The following SPG11 variants were observed in gnomAD, a reference collection of about 807,000 sequenced individuals.
The protein encoded by SPG11 is spatacsin.
Under a neutral mutation model 274.0 loss-of-function variants are expected in SPG11, and 222 were observed. That is an observed-to-expected ratio of 0.81 (90% CI 0.73 to 0.91). The LOEUF is 0.91. SPG11 is among the 40% of genes least tolerant of loss of function. The pLI, the probability that SPG11 is intolerant of heterozygous loss-of-function variation, is 0.00. For synonymous variants in SPG11, 1,144 were observed against 1,039.7 expected (o/e 1.10, Z -1.93); for missense variants, 3,114 against 2,872.7 (o/e 1.08, Z -1.92).
At chr15:44,622,474 T>C (rs1308465878) in intron 12 of SPG11, 127 bp from the exon 13 acceptor site, 5 of 835,704 alleles carry the variant, frequency 6.0e-6, no homozygotes, top group Admixed American at 2.8e-5. Flanking sequence ...CATGAGATAA[T>C]ATGCCATTCA....
chr15:44,566,795 G>A (rs2082318256), intron 36 of SPG11, among the ~76,000 whole-genome samples: 1 of 152,070 alleles, frequency 6.6e-6, no homozygotes. Flanking sequence ...CGCCTCCCGG[G>A]TTCAAGTGAT....
At position 44,615,417 on chromosome 15, in the gene SPG11, T is replaced by A; in HGVS notation, c.2984A>T (p.Tyr995Phe). 6.2e-7 allele frequency: 1 copy of A among 1,614,100 alleles called. No homozygotes were observed. The highest frequency in any genetic ancestry group is 8.5e-7 in the Non-Finnish European group (1 of 1,179,994). ...GWDFHSQFIL[Y>F]CLEHSLQHLL... is the part of the protein sequence containing the mutation. ...ATGCTGCAGACTGTGCTCCAAACAA[T>A]AGAGAATGAATTGAGAATGGAAATC... The change falls in exon 16 of 40, where the codon TAT becomes TTT. Residue 995 changes from tyrosine (Y) to phenylalanine (F), a missense_variant. Coordinates refer to ENST00000261866, the MANE Select transcript of SPG11 (RefSeq NM_025137.4).
Position 44,584,515 on chromosome 15 carries a change from G to C in SPG11, c.5165C>G (p.Ser1722Ter). The change falls in exon 30 of 40, where the codon TCA becomes TGA. Residue 1722 changes from serine (S) to a stop codon, truncating the protein, a stop_gained. Transcript: ENST00000261866. LOFTEE classifies it high-confidence loss of function. ...GAAGTCAATTCTTGCTTGTTTTAGT[G>C]ACCACTGTTCAATGTGTTTTAGGGT... is the stretch of plus-strand genomic sequence containing the variant. Reference protein sequence around the residue: ...MQTLKHIEQWSLKQARIDFWK... With the variant: ...MQTLKHIEQW 1 of 1,613,200 alleles carries C rather than the reference G, an allele frequency of 6.2e-7. No individual in the cohort carries two copies. The highest frequency in any genetic ancestry group is 1.1e-5 in the South Asian group (1 of 91,050).
chr15:44,571,042 C>G (rs78635585), intron 33 of SPG11, among the ~76,000 whole-genome samples: 2,984 of 152,234 alleles, frequency 0.02, 109 homozygotes, highest in African/African-American at 0.068. Context: ...GTCTCAGGGC[C>G]TAATCAAGTG....
chr15:44,580,281 A>G (rs2082633244), intron 30 of SPG11, among the ~76,000 whole-genome samples: 1 of 152,224 alleles, frequency 6.6e-6, no homozygotes, highest in African/African-American at 2.4e-5. Flanking sequence ...CATGTAGTAT[A>G]GGTGTGTAGA....
chr15:44,624,912 C>G (rs569575581), intron 11 of SPG11, among the ~76,000 whole-genome samples: 14 of 151,952 alleles, frequency 9.2e-5, no homozygotes, highest in Non-Finnish European at 1.8e-4. Context: ...AGGCAGGTGG[C>G]TCACCTGAGG....
chr15:44,598,251 T>G lies in SPG11; in HGVS notation c.4001+14A>C. ...AGCTTGTTAGAAAAGAGGCTGAGAC[T>G]GCAACTCACAAACCTCTTTATTTCC... On this transcript the variant is annotated intron_variant, in intron 23 of 39. Coordinates refer to ENST00000261866, the MANE Select transcript of SPG11 (RefSeq NM_025137.4). 1 of 1,588,430 alleles carries G rather than the reference T, an allele frequency of 6.3e-7. No homozygotes were observed. The highest frequency in any genetic ancestry group is 8.6e-7 in the Non-Finnish European group (1 of 1,156,662).
intron 10 of SPG11, among the ~76,000 whole-genome samples, 192 bp downstream of exon 10, chr15:44,628,477 G>C (rs1363646236): frequency 6.6e-6 from 1 of 152,158 alleles, no homozygotes; most frequent in Non-Finnish European, 1.5e-5. Context: ...CCCTTATAGC[G>C]AATTAAATAA....
At chr15:44,652,005 C>A in intron 5 of SPG11, 66 bp from the exon 6 acceptor site, 1 of 1,570,910 alleles carries the variant, frequency 6.4e-7, no homozygotes, top group Non-Finnish European at 8.7e-7. Context: ...AAACACTAAA[C>A]CAGGGCAAAG....
intron 7 of SPG11, among the ~76,000 whole-genome samples, chr15:44,646,320 G>T (rs970958653): frequency 1.3e-5 from 2 of 152,182 alleles, no homozygotes; most frequent in African/African-American, 4.8e-5. Flanking sequence ...GAGAAGGGAG[G>T]TTTAATTGAC....
In SPG11 at chr15:44,597,005, C is replaced by G. The variant is rs2083061382; in HGVS notation, c.4002-62G>C. 5.2e-6 allele frequency: 8 copies of G among 1,527,364 alleles called. No individual in the cohort carries two copies. In the East Asian group the frequency reaches 1.6e-4, roughly 31 times the overall value. 94.6% of individuals were successfully genotyped at this position (1,527,364 alleles called of 1,614,324 possible). ...AAACAAAAAACTCATTAAAATATAG[C>G]TTTAGCTTGAACTGGAAAATGAGTA... On this transcript the variant is annotated intron_variant, in intron 23 of 39. Transcript: ENST00000261866.
intron 29 of SPG11, among the ~76,000 whole-genome samples, chr15:44,585,327 C>T (rs1326640677): frequency 1.7e-4 from 26 of 151,614 alleles, no homozygotes; most frequent in Admixed American, 1.4e-3. Flanking sequence ...TGGTGGCTCA[C>T]GCCTGTAATC....
At chr15:44,608,653 C>T in intron 18 of SPG11, 48 bp from the exon 19 acceptor site, 1 of 1,584,236 alleles carries the variant, frequency 6.3e-7, no homozygotes, top group Non-Finnish European at 8.6e-7. Flanking sequence ...TTTTTCTCTT[C>T]TCAAAGTTTC....
chr15:44,595,423 T>G lies in SPG11; in HGVS notation c.4471A>C (p.Ile1491Leu). ...GCAACATTGTCCTCCACAGAAGTGA[T>G]GATCCAAACACAGAGACAAGAAATG... ...SAISCLCVWI[I>L]TSVEDNVATE... The change falls in exon 26 of 40, where the codon ATC becomes CTC. Residue 1491 changes from isoleucine (I) to leucine (L), a missense_variant. Coordinates refer to ENST00000261866, the MANE Select transcript of SPG11 (RefSeq NM_025137.4). 6.2e-7 allele frequency: 1 copy of G among 1,614,192 alleles called. No individual in the cohort carries two copies. The highest frequency in any genetic ancestry group is 8.5e-7 in the Non-Finnish European group (1 of 1,180,032).
chr15:44,566,462 G>C (rs1026062346), intron 36 of SPG11, among the ~76,000 whole-genome samples, 157 bp from the exon 37 acceptor site: 2 of 152,176 alleles, frequency 1.3e-5, no homozygotes, highest in African/African-American at 4.8e-5. Context: ...GGCCAGAAAT[G>C]CATACGCTTA....
intron 30 of SPG11, 123 bp downstream of exon 30, chr15:44,583,691 T>C (rs2082699072): frequency 9.5e-6 from 12 of 1,265,918 alleles, no homozygotes; most frequent in Admixed American, 3.6e-5. Context: ...ACAGATTACC[T>C]GGAAAAAAGT....
chr15:44,583,346 T>C lies in SPG11; in HGVS notation c.5866+468A>G, dbSNP rs566283014. ...ACAAAAATTAGCCAGTAATCCCAGC[T>C]ACTTGGGAAGCTAAGGCAGGAGAAT... On this transcript the variant is annotated intron_variant, in intron 30 of 39. Transcript: ENST00000261866. 4.4e-3 allele frequency among the ~76,000 whole-genome samples: 667 copies of C among 152,172 alleles called. 4 individuals are homozygous for C. Among genetic ancestry groups the C allele is most frequent in the African/African-American group, 0.015 (634 of 41,512 alleles).
At position 44,643,471 on chromosome 15, in the gene SPG11, G is replaced by C. The variant is rs139848513; in HGVS notation, c.1602+5395C>G. On this transcript the variant is annotated intron_variant, in intron 7 of 39. Coordinates refer to ENST00000261866, the MANE Select transcript of SPG11 (RefSeq NM_025137.4). ...AACAAATGGTGCAAGGACAACTGAAGATCCACAAAGAATGCAAAAGAATGA... is the reference window on the plus strand; with the variant it reads ...AACAAATGGTGCAAGGACAACTGAACATCCACAAAGAATGCAAAAGAATGA... 4.4e-4 allele frequency among the ~76,000 whole-genome samples: 67 copies of C among 152,216 alleles called. No individual in the cohort carries two copies. In the East Asian group the frequency reaches 0.013, roughly 29 times the overall value.
At chr15:44,571,546 G>A (rs532330422) in intron 33 of SPG11, among the ~76,000 whole-genome samples, 1 of 141,060 alleles carries the variant, frequency 7.1e-6, no homozygotes, top group East Asian at 2.1e-4. Context: ...TGCCCAGGCT[G>A]GAGTGCAGCG....
Sources: allele counts gnomAD v4.1 joint callset (sites outside exome capture counted in the v4.1 genomes callset), GRCh38; gene constraint gnomAD v4.1.1; transcripts MANE v1.5; gene names NCBI Gene and HGNC (gene_info 2026-07-23, HGNC 2026-07-21).